NAA11: variants seen among roughly 807,000 people sequenced by gnomAD.
NAA11 encodes N-alpha-acetyltransferase 11.
NAA11 carries 15 observed loss-of-function variants against 16.1 expected under a neutral mutation model. The observed-to-expected ratio is 0.93, with a 90% CI of 0.62 to 1.44. NAA11 has a LOEUF of 1.44. Ranked by LOEUF, NAA11 falls within the 40% of genes most tolerant of loss-of-function variation. The pLI is 0.00. For synonymous variants in NAA11, 122 were observed against 112.4 expected, an observed-to-expected ratio of 1.09 and a Z score of -0.54; for missense variants, 298 against 291.3, an observed-to-expected ratio of 1.02 and a Z score of -0.17.
chr4:79,302,825 G>A (rs1415616838), intron 1 of NAA11, among the ~76,000 whole-genome samples: 1 of 151,842 alleles, frequency 6.6e-6, no homozygotes, highest in Non-Finnish European at 1.5e-5. Context: ...GAAGAACACT[G>A]GAGGAGGAAA....
At chr4:79,211,315 T>C in the NAA11 span, among the ~76,000 whole-genome samples, 1 of 152,196 alleles carries the variant, frequency 6.6e-6, no homozygotes, top group Non-Finnish European at 1.5e-5. Context: ...TATATTCTTG[T>C]TTCTGCTTCA....
the NAA11 span, among the ~76,000 whole-genome samples, chr4:79,189,145 C>CAAAAAAAAAAAAAAAAAAAAAAAAA: frequency 8.5e-4 from 36 of 42,268 alleles, 5 homozygotes; most frequent in Non-Finnish European, 1.0e-3. Flanking sequence ...GACTCCATCT[C>CAAAAAAAAAAAAAAAAAAAAAAAAA]AAAAAAAAAA....
chr4:79,212,508 G>T, the NAA11 span, among the ~76,000 whole-genome samples: 2 of 151,976 alleles, frequency 1.3e-5, no homozygotes, highest in East Asian at 1.9e-4. Flanking sequence ...CAAAGGTTTT[G>T]CTTGTTTGTT....
At chr4:79,178,311 C>T in the NAA11 span, among the ~76,000 whole-genome samples, 4 of 152,102 alleles carry the variant, frequency 2.6e-5, no homozygotes, top group East Asian at 1.9e-4. Flanking sequence ...TTAATAATTG[C>T]GTGCTCTGGG....
chr4:79,228,222 TG>T (rs1029721949), intron 2 of NAA11, among the ~76,000 whole-genome samples: 1 of 152,034 alleles, frequency 6.6e-6, no homozygotes, highest in African/African-American at 2.4e-5. Context: ...AAGAAAACTT[TG>T]GGGAAATATT....
intron 2 of NAA11, among the ~76,000 whole-genome samples, chr4:79,249,402 GACC>G (rs1196509904): frequency 2.6e-5 from 4 of 152,204 alleles, no homozygotes; most frequent in Non-Finnish European, 4.4e-5. Context: ...ATGAACAAAT[GACC>G]ATTACAAGAA....
chr4:79,325,724 T>A lies in NAA11; in HGVS notation c.154A>T (p.Ile52Phe). 6.2e-7 allele frequency: 1 copy of A among 1,614,148 alleles called. No individual in the cohort carries two copies. Among genetic ancestry groups the A allele is most frequent in the Non-Finnish European group, 8.5e-7 (1 of 1,180,002 alleles). ...SYIAEDEDGK[I>F]VGYVLAKMEE... ...ATTTTGGCCAGAACATAGCCCACAATCTTCCCGTCCTCATCCTCAGCGATG... is the reference window on the plus strand; with the variant it reads ...ATTTTGGCCAGAACATAGCCCACAAACTTCCCGTCCTCATCCTCAGCGATG... Residue 52 changes from isoleucine (I) to phenylalanine (F), a missense_variant, in exon 1 of 2, where the codon ATT becomes TTT. Coordinates refer to ENST00000286794, the MANE Select transcript of NAA11 (RefSeq NM_032693.3).
Position 79,301,728 on chromosome 4 carries a change from G to A in NAA11, c.*13-7614C>T, listed in dbSNP as rs140703014. On this transcript the variant is annotated intron_variant and NMD_transcript_variant, in intron 1 of 2. Transcript: ENST00000511542. ...GCAAGCACAAGGGCTCTAGCTATACGAGGGACCAAGTGTGGAGGAGCCAAA... is the reference window on the plus strand; with the variant it reads ...GCAAGCACAAGGGCTCTAGCTATACAAGGGACCAAGTGTGGAGGAGCCAAA... 2.0e-3 allele frequency among the ~76,000 whole-genome samples: 308 copies of A among 152,262 alleles called. 1 individual carries two copies. Among genetic ancestry groups the A allele is most frequent in the African/African-American group, 7.1e-3 (293 of 41,552 alleles).
At chr4:79,189,941 A>C in the NAA11 span, among the ~76,000 whole-genome samples, 1 of 152,224 alleles carries the variant, frequency 6.6e-6, no homozygotes, top group Admixed American at 6.5e-5. Context: ...AACTGAGACC[A>C]GAAAAGTGTG....
downstream of NAA11, among the ~76,000 whole-genome samples, chr4:79,314,641 TAAAAAAAAAAAAAAAAAA>T (rs375245497): frequency 3.1e-5 from 3 of 98,048 alleles, no homozygotes; most frequent in African/African-American, 1.2e-4. Flanking sequence ...TCCTTAAAAT[TAAAAAAAAAAAAAAAAAA>T]AAAAAGACTC....
chr4:79,311,238 A>C (rs1723761431), intron 1 of NAA11, among the ~76,000 whole-genome samples: 1 of 152,202 alleles, frequency 6.6e-6, no homozygotes, highest in African/African-American at 2.4e-5. Flanking sequence ...TTTAAACTAT[A>C]AATACAGTCT....
the NAA11 span, among the ~76,000 whole-genome samples, chr4:79,219,896 C>T: frequency 6.6e-6 from 1 of 152,190 alleles, no homozygotes; most frequent in Admixed American, 6.5e-5. Context: ...GTTCAAGTTT[C>T]TCCAACTGTC....
At chr4:79,302,022 G>GT (rs1723400279) in intron 1 of NAA11, among the ~76,000 whole-genome samples, 1 of 152,102 alleles carries the variant, frequency 6.6e-6, no homozygotes, top group African/African-American at 2.4e-5. Flanking sequence ...ATTCTATTTA[G>GT]TTGGTTTATT....
At chr4:79,203,511 A>T in the NAA11 span, among the ~76,000 whole-genome samples, 2 of 151,828 alleles carry the variant, frequency 1.3e-5, no homozygotes, top group Admixed American at 1.3e-4. Flanking sequence ...AGAAAGAAAC[A>T]AAATGAATTA....
chr4:79,181,010 C>T, the NAA11 span, among the ~76,000 whole-genome samples: 10 of 151,964 alleles, frequency 6.6e-5, no homozygotes, highest in Non-Finnish European at 1.3e-4. Context: ...TGTTCTCACT[C>T]ATAGGTGGCG....
chr4:79,210,696 C>A, the NAA11 span, among the ~76,000 whole-genome samples: 2 of 151,874 alleles, frequency 1.3e-5, no homozygotes, highest in Non-Finnish European at 2.9e-5. Context: ...TCTTAATATA[C>A]CCTGGGTTAG....
At chr4:79,287,070 T>A (rs1560449666) in intron 2 of NAA11, among the ~76,000 whole-genome samples, 1 of 152,138 alleles carries the variant, frequency 6.6e-6, no homozygotes, top group Non-Finnish European at 1.5e-5. Context: ...TCTTGGTCAT[T>A]TATTTAGCAT....
At chr4:79,318,855 AT>A (rs1162105813) in intron 1 of NAA11, among the ~76,000 whole-genome samples, 1 of 152,312 alleles carries the variant, frequency 6.6e-6, no homozygotes, top group South Asian at 2.1e-4. Context: ...AATAAAGGCT[AT>A]AGGATAGTTT....
chr4:79,270,345 T>G (rs35716023), intron 2 of NAA11, among the ~76,000 whole-genome samples: 36 of 151,996 alleles, frequency 2.4e-4, no homozygotes, highest in East Asian at 7.8e-4. Flanking sequence ...TTGAATCTCT[T>G]AATAGACCAA....
Sources: allele counts gnomAD v4.1 joint callset (sites outside exome capture counted in the v4.1 genomes callset), GRCh38; gene constraint gnomAD v4.1.1; transcripts MANE v1.5; gene names NCBI Gene and HGNC (gene_info 2026-07-23, HGNC 2026-07-21).